ARID2: variants seen among roughly 807,000 people sequenced by gnomAD.
ARID2 encodes the protein AT-rich interactive domain-containing protein 2.
A neutral mutation model predicts 184.6 loss-of-function variants in ARID2; 32 were observed. That is an observed-to-expected ratio of 0.17 (90% CI 0.13 to 0.23). The LOEUF (loss-of-function observed/expected upper bound fraction) is 0.23, where lower values mean the gene tolerates loss of function less well. Among genes scored for constraint, ARID2 ranks in the 10% least tolerant of loss-of-function variants. The pLI, the probability that ARID2 is intolerant of heterozygous loss-of-function variation, is 1.00. For synonymous variants in ARID2, 836 were observed against 772.6 expected, an observed-to-expected ratio of 1.08 and a Z score of -1.36; for missense variants, 1,696 against 2,197.6, an observed-to-expected ratio of 0.77 and a Z score of 4.56.
rs1043000428 is a variant in ARID2, at chr12:45,907,777, A to T, written c.*2699A>T. On this transcript the variant is annotated 3_prime_UTR_variant, in exon 21 of 21. Transcript: ENST00000334344. ...TTTGAGAAATCTATGTAAATAATAT[A>T]GTCTACAACATAGAGACTGTATAAT... 4.3e-6 allele frequency: 1 copy of T among 232,794 alleles called. No individual in the cohort carries two copies. The highest frequency in any genetic ancestry group is 8.5e-6 in the Non-Finnish European group (1 of 117,548). 14.4% of individuals were successfully genotyped at this position (232,794 alleles called of 1,614,324 possible). A position where few individuals can be genotyped will look rare whatever the true frequency, so the allele number is the denominator to read the frequency against.
chr12:45,764,808 A>G (rs1941742381), intron 3 of ARID2, among the ~76,000 whole-genome samples: 1 of 152,240 alleles, frequency 6.6e-6, no homozygotes, highest in African/African-American at 2.4e-5. Context: ...TAAAAACACT[A>G]TAAACATTCG....
chr12:45,750,084 G>T (rs1447856365), intron 3 of ARID2, among the ~76,000 whole-genome samples: 1 of 152,168 alleles, frequency 6.6e-6, no homozygotes, highest in African/African-American at 2.4e-5. Flanking sequence ...CTTGGCTTTT[G>T]AAATACCTTC....
chr12:45,852,836 A>G lies in ARID2; in HGVS notation c.4713A>G (p.Glu1571=). 1 of 1,613,406 alleles carries G rather than the reference A, an allele frequency of 6.2e-7. No individual in the cohort carries two copies. Among genetic ancestry groups the G allele is most frequent in the Non-Finnish European group, 8.5e-7 (1 of 1,179,610 alleles). Residue 1571 remains glutamate, a synonymous_variant, in exon 15 of 21, where the codon GAA becomes GAG. Transcript: ENST00000334344. ...GCACTGTAGCTAAAGTAGCAATAGA[A>G]AGTGCTGTTCAGCAAAAGCAACAGC... ...DPSTVAKVAI[E]SAVQQKQQHP...
chr12:45,756,965 A>G (rs913862141), intron 3 of ARID2, among the ~76,000 whole-genome samples: 1 of 152,184 alleles, frequency 6.6e-6, no homozygotes, highest in African/African-American at 2.4e-5. Context: ...TTTTCATGGT[A>G]TTCACAGCAA....
In ARID2 at chr12:45,893,518, G is replaced by A. The variant is rs764708751; in HGVS notation, c.5246G>A (p.Arg1749Lys). The change falls in exon 19 of 21, where the codon AGA becomes AAA. Residue 1749 changes from arginine (R) to lysine (K), a missense_variant. Arg to Lys is a conservative substitution (Grantham distance 26, BLOSUM62 2). Around this residue, in one of 11 missense-constraint regions of ARID2, gnomAD observed 69 missense variants for 118.2 expected, o/e 0.58. Transcript: ENST00000334344. ...AALMALRRGS[R>K]NLVFRDFTDE... ...CTTATGGCTCTGAGGAGAGGATCAA[G>A]AAACCTTGTCTTTCGAGATTTTACA... 1 of 1,613,808 alleles carries A rather than the reference G, an allele frequency of 6.2e-7. No homozygotes were observed. The highest frequency in any genetic ancestry group is 1.1e-5 in the South Asian group (1 of 91,052).
At chr12:45,840,472 A>G (rs559158245) in intron 11 of ARID2, 15 of 152,288 alleles carry the variant, frequency 9.8e-5, no homozygotes, top group African/African-American at 2.6e-4. Flanking sequence ...TACTCTGAAT[A>G]TCAGTCTTTC....
chr12:45,763,639 CA>C (rs940277320), intron 3 of ARID2, among the ~76,000 whole-genome samples: 70 of 138,678 alleles, frequency 5.0e-4, no homozygotes, highest in Non-Finnish European at 5.8e-4. Flanking sequence ...GCTGGGACTA[CA>C]AAAAAAAAAA....
chr12:45,836,519 G>A lies in ARID2; in HGVS notation c.706-70G>A, dbSNP rs1943222853. On this transcript the variant is annotated intron_variant, in intron 6 of 20. Coordinates refer to ENST00000334344, the MANE Select transcript of ARID2 (RefSeq NM_152641.4). ...GCATGAGCCACCATACCTAGCCTGT[G>A]TGTGACTATTTCTAAAGCAATAGAA... is the stretch of plus-strand genomic sequence containing the variant. 5 of 1,421,832 alleles carry A rather than the reference G, an allele frequency of 3.5e-6. No individual in the cohort carries two copies. The South Asian group carries it at 5.5e-5, about 16-fold the overall frequency. The allele number at this position is 1,421,832 out of a possible 1,614,324, so 88.1% of individuals were successfully genotyped here. A position where few individuals can be genotyped will look rare whatever the true frequency, so the allele number is the denominator to read the frequency against.
intron 20 of ARID2, 137 bp downstream of exon 20, chr12:45,893,858 T>A: frequency 2.8e-6 from 2 of 707,646 alleles, no homozygotes; most frequent in Non-Finnish European, 4.3e-6. Flanking sequence ...AGTTTATGCC[T>A]AGGTCAGGCC....
intron 3 of ARID2, among the ~76,000 whole-genome samples, chr12:45,786,082 C>CT (rs1942192277): frequency 6.6e-6 from 1 of 152,134 alleles, no homozygotes; most frequent in Admixed American, 6.5e-5. Flanking sequence ...CTGTCAATCT[C>CT]TAAGGGACTG....
At chr12:45,849,055 T>A in intron 13 of ARID2, 85 bp downstream of exon 13, 1 of 1,437,418 alleles carries the variant, frequency 7.0e-7, no homozygotes, top group South Asian at 1.4e-5. Context: ...AAATATCTTA[T>A]CTAGTTTTAA....
chr12:45,843,583 G>C lies in ARID2; in HGVS notation c.1499-3273G>C, dbSNP rs367632786. Reference sequence around the variant, plus strand: ...GAGATTTCACCATGTTGCCCAGGCTGGTCACAGAATTTTCATTTTTATCAA... The same window carrying C: ...GAGATTTCACCATGTTGCCCAGGCTCGTCACAGAATTTTCATTTTTATCAA... On this transcript the variant is annotated intron_variant, in intron 11 of 20. Coordinates refer to ENST00000334344, the MANE Select transcript of ARID2 (RefSeq NM_152641.4). Among the ~76,000 whole-genome samples, 3 of 152,070 alleles carry C rather than the reference G, an allele frequency of 2.0e-5. No homozygotes were observed. The East Asian group carries it at 5.8e-4, about 29-fold the overall frequency.
chr12:45,849,019 A>G, intron 13 of ARID2, 49 bp downstream of exon 13: 2 of 1,571,452 alleles, frequency 1.3e-6, no homozygotes, highest in African/African-American at 1.4e-5. Context: ...CACTTACAAC[A>G]TCTCTTGCTC....
At chr12:45,739,756 C>T (rs941426940) in intron 3 of ARID2, among the ~76,000 whole-genome samples, 16 of 151,794 alleles carry the variant, frequency 1.1e-4, no homozygotes, top group African/African-American at 3.1e-4. Context: ...GCTAGCCCAG[C>T]GATTAATTTT....
Position 45,851,331 on chromosome 12 carries a change from C to T in ARID2, c.3208C>T (p.Pro1070Ser), listed in dbSNP as rs1427198527. The change falls in exon 15 of 21, where the codon CCT (proline) becomes TCT (serine). Residue 1070 changes from proline to serine, a missense_variant. Coordinates refer to ENST00000334344, the MANE Select transcript of ARID2 (RefSeq NM_152641.4). ...ACAGCTTCTGCTTCCGAAACGTGGT[C>T]CTTCAACACCAGGTGGTAAGCTTAT... The part of the protein sequence containing the change: ...IKQLLLPKRG[P>S]STPGGKLILP... The T allele has an allele frequency of 6.2e-7, 1 of 1,614,100 alleles. No individual in the cohort carries two copies. The highest frequency in any genetic ancestry group is 8.5e-7 in the Non-Finnish European group (1 of 1,180,010).
intron 3 of ARID2, among the ~76,000 whole-genome samples, chr12:45,765,119 AAT>A (rs1399573514): frequency 6.6e-6 from 1 of 152,186 alleles, no homozygotes; most frequent in Non-Finnish European, 1.5e-5. Context: ...GAACATTTTT[AAT>A]ATATGTTTTT....
At chr12:45,831,458 G>A (rs747248650) in intron 6 of ARID2, among the ~76,000 whole-genome samples, 7 of 152,112 alleles carry the variant, frequency 4.6e-5, no homozygotes, top group Non-Finnish European at 8.8e-5. Context: ...GGTATACAGT[G>A]TTTAATGATC....
In ARID2 at chr12:45,850,036, G is replaced by T. The variant is rs2138158532; in HGVS notation, c.1913G>T (p.Gly638Val). Residue 638 changes from glycine to valine, a missense_variant and splice_region_variant, in exon 15 of 21, where the codon GGA (glycine) becomes GTA (valine). By Grantham distance (109) the Gly-to-Val change is moderately radical. Transcript: ENST00000334344. The stretch of plus-strand genomic sequence containing the variant: ...TTTGACGTTTTCTTCATATTTTCAG[G>T]AATCCCTCATGGATCACAAACCATA... Reference protein sequence around the residue: ...PDVSPAPSPAGIPHGSQTIGN... With the variant: ...PDVSPAPSPAVIPHGSQTIGN... The T allele has an allele frequency of 6.3e-7, 1 of 1,577,646 alleles. No individual in the cohort carries two copies. The highest frequency in any genetic ancestry group is 8.6e-7 in the Non-Finnish European group (1 of 1,162,948).
intron 18 of ARID2, among the ~76,000 whole-genome samples, chr12:45,892,616 T>C (rs2138234047): frequency 6.6e-6 from 1 of 152,218 alleles, no homozygotes; most frequent in Non-Finnish European, 1.5e-5. Flanking sequence ...ATATCAGAAA[T>C]ACCCCTGCTT....
Sources: allele counts gnomAD v4.1 joint callset (sites outside exome capture counted in the v4.1 genomes callset), GRCh38; gene constraint gnomAD v4.1.1; regional missense constraint gnomAD v4.1.1; transcripts MANE v1.5; gene names NCBI Gene and HGNC (gene_info 2026-07-23, HGNC 2026-07-21).